GALNT18: variants seen among roughly 807,000 people sequenced by gnomAD.
GALNT18 encodes polypeptide N-acetylgalactosaminyltransferase 18, also known as GalNAc-transferase 18.
A neutral mutation model predicts 69.5 loss-of-function variants in GALNT18; 44 were observed. The ratio of observed to expected loss-of-function variants is 0.63; its 90% CI spans 0.50 to 0.81. GALNT18 has a LOEUF of 0.81. Among genes scored for constraint, GALNT18 ranks in the 40% least tolerant of loss-of-function variants. GALNT18 has a pLI of 0.00. For missense variants in GALNT18, 715 were observed against 810.0 expected (o/e 0.88, Z 1.42); for synonymous variants, 364 against 318.2 (o/e 1.14, Z -1.53).
intron 1 of GALNT18, among the ~76,000 whole-genome samples, chr11:11,491,849 G>C (rs1402650182): frequency 6.6e-6 from 1 of 152,094 alleles, no homozygotes; most frequent in Non-Finnish European, 1.5e-5. Context: ...CCCTCCAGAA[G>C]CAAGACAATC....
intron 1 of GALNT18, among the ~76,000 whole-genome samples, chr11:11,536,725 G>A (rs1228280129): frequency 3.3e-5 from 5 of 152,086 alleles, no homozygotes. Flanking sequence ...CTAAAGAGAA[G>A]GACTTACAGA....
Position 11,465,301 on chromosome 11 carries a change from G to A in GALNT18, c.236-16365C>T, listed in dbSNP as rs191218764. On this transcript the variant is annotated intron_variant, in intron 1 of 10. Coordinates refer to ENST00000227756, the MANE Select transcript of GALNT18 (RefSeq NM_198516.3). The surrounding 1 kb of genome is among the most constrained non-coding windows in gnomAD (Gnocchi z 5.7). ...ATTTAGACTGATTTCCCCTGAGACT[G>A]GGGAGTTGGGTGGGCAGGGTCATCC... Among the ~76,000 whole-genome samples, 3 of 152,234 alleles carry A rather than the reference G, an allele frequency of 2.0e-5. No homozygotes were observed. In the East Asian group the frequency reaches 5.8e-4, roughly 29 times the overall value.
intron 1 of GALNT18, among the ~76,000 whole-genome samples, chr11:11,460,157 C>T (rs749660922): frequency 3.3e-5 from 5 of 152,196 alleles, no homozygotes; most frequent in Non-Finnish European, 5.9e-5. Context: ...GAATTCACAA[C>T]CTTAATTCCC....
At chr11:11,531,766 G>A (rs746471587) in intron 1 of GALNT18, among the ~76,000 whole-genome samples, 1 of 152,206 alleles carries the variant, frequency 6.6e-6, no homozygotes, top group Non-Finnish European at 1.5e-5. Context: ...CTCCTGCTGT[G>A]AGTCTCTGGG....
At chr11:11,524,882 C>G (rs1046647200) in intron 1 of GALNT18, among the ~76,000 whole-genome samples, 22 of 152,070 alleles carry the variant, frequency 1.4e-4, no homozygotes, top group Non-Finnish European at 3.2e-4. Flanking sequence ...TCATAGCTGG[C>G]AGAGAGTGGA....
chr11:11,321,355 C>T (rs1193593771), intron 9 of GALNT18, among the ~76,000 whole-genome samples: 1 of 152,174 alleles, frequency 6.6e-6, no homozygotes, highest in Non-Finnish European at 1.5e-5. Flanking sequence ...TTAATGGTGA[C>T]TGTACAGTGT....
At chr11:11,292,781 A>G (rs2133004640) in intron 10 of GALNT18, among the ~76,000 whole-genome samples, 1 of 152,320 alleles carries the variant, frequency 6.6e-6, no homozygotes, top group East Asian at 1.9e-4. Flanking sequence ...ATAAAACAAC[A>G]ACAATAATAA....
chr11:11,304,476 T>G (rs1445003331), intron 9 of GALNT18, among the ~76,000 whole-genome samples: 1 of 152,208 alleles, frequency 6.6e-6, no homozygotes, highest in African/African-American at 2.4e-5. Flanking sequence ...TGTGTCTGCT[T>G]GTCTGCTATA....
rs1399115140 is a variant in GALNT18, at chr11:11,542,226, T to G, written c.235+79133A>C. ...CTTAGAAAGCAAAGCAAAACAAAAC[T>G]GTGGGAACAGCCTGTCATCTCACTC... On this transcript the variant is annotated intron_variant, in intron 1 of 10. Coordinates refer to ENST00000227756, the MANE Select transcript of GALNT18 (RefSeq NM_198516.3). This position sits in a 1 kb window ranked among gnomAD's most constrained non-coding sequence, Gnocchi z 4.3. 6.6e-6 allele frequency among the ~76,000 whole-genome samples: 1 copy of G among 152,096 alleles called. No homozygotes were observed. The highest frequency in any genetic ancestry group is 2.4e-5 in the African/African-American group (1 of 41,424).
chr11:11,609,127 G>T (rs1366044393), intron 1 of GALNT18, among the ~76,000 whole-genome samples: 1 of 152,192 alleles, frequency 6.6e-6, no homozygotes, highest in African/African-American at 2.4e-5. Flanking sequence ...CCCAAGAGAA[G>T]TACCCAGGAA....
At chr11:11,533,355 T>C (rs529512487) in intron 1 of GALNT18, among the ~76,000 whole-genome samples, 1 of 152,292 alleles carries the variant, frequency 6.6e-6, no homozygotes, top group South Asian at 2.1e-4. Flanking sequence ...GAAGCCAGGA[T>C]CCAAACCCAG....
chr11:11,586,729 T>C lies in GALNT18; in HGVS notation c.235+34630A>G, dbSNP rs142333225. On this transcript the variant is annotated intron_variant, in intron 1 of 10. Coordinates refer to ENST00000227756, the MANE Select transcript of GALNT18 (RefSeq NM_198516.3). The surrounding 1 kb of genome is among the most constrained non-coding windows in gnomAD (Gnocchi z 4.1). ...TAGCTCATGCCTGTAATCACAGCCCTTTGGGACGCCGAGGCGGGCAGATCA... is the reference window on the plus strand; with the variant it reads ...TAGCTCATGCCTGTAATCACAGCCCCTTGGGACGCCGAGGCGGGCAGATCA... 7.1e-3 allele frequency among the ~76,000 whole-genome samples: 1,078 copies of C among 152,292 alleles called. 17 individuals are homozygous for C. The highest frequency in any genetic ancestry group is 0.025 in the African/African-American group (1,023 of 41,558).
intron 1 of GALNT18, among the ~76,000 whole-genome samples, chr11:11,557,518 C>T (rs1858359718): frequency 6.6e-6 from 1 of 152,188 alleles, no homozygotes; most frequent in South Asian, 2.1e-4. Context: ...CTGGACCCAA[C>T]ACTGTGCCTC....
chr11:11,299,509 A>G (rs1335925261), intron 9 of GALNT18, among the ~76,000 whole-genome samples: 5 of 152,126 alleles, frequency 3.3e-5, no homozygotes, highest in Non-Finnish European at 7.4e-5. Flanking sequence ...AGAGTCCATT[A>G]TATAATTTTT....
At chr11:11,486,101 G>A (rs1361486660) in intron 1 of GALNT18, among the ~76,000 whole-genome samples, 1 of 152,212 alleles carries the variant, frequency 6.6e-6, no homozygotes, top group Admixed American at 6.5e-5. Context: ...GAAGGACTCA[G>A]CATGCTGGAA....
chr11:11,370,264 T>C (rs1850868511), intron 6 of GALNT18, among the ~76,000 whole-genome samples: 2 of 152,220 alleles, frequency 1.3e-5, no homozygotes, highest in Non-Finnish European at 2.9e-5. Context: ...TGAAAAGTGA[T>C]CTTTCATGTT....
chr11:11,431,734 C>T (rs1855268893), intron 3 of GALNT18, among the ~76,000 whole-genome samples: 1 of 152,186 alleles, frequency 6.6e-6, no homozygotes, highest in Non-Finnish European at 1.5e-5. Context: ...GCAACTGATT[C>T]ACTAGGAAAT....
At chr11:11,420,230 T>C (rs1854971548) in intron 3 of GALNT18, among the ~76,000 whole-genome samples, 2 of 152,062 alleles carry the variant, frequency 1.3e-5, no homozygotes, top group South Asian at 4.2e-4. Context: ...GGGGAGCCCA[T>C]ACCTGCTGTG....
At position 11,523,005 on chromosome 11, in the gene GALNT18, C is replaced by A. The variant is rs1857434165; in HGVS notation, c.236-74069G>T. On this transcript the variant is annotated intron_variant, in intron 1 of 10. Coordinates refer to ENST00000227756, the MANE Select transcript of GALNT18 (RefSeq NM_198516.3). The surrounding 1 kb of genome is among the most constrained non-coding windows in gnomAD (Gnocchi z 4.3). ...AGTAAGAGACTGAGCGCAGTGCAGT[C>A]CACTAACAATTCAGGCAGAGGCTCT... Among the ~76,000 whole-genome samples the A allele has an allele frequency of 6.6e-6, 1 of 152,206 alleles. No homozygotes were observed. Among genetic ancestry groups the A allele is most frequent in the Non-Finnish European group, 1.5e-5 (1 of 68,038 alleles).
Sources: allele counts gnomAD v4.1 joint callset (sites outside exome capture counted in the v4.1 genomes callset), GRCh38; gene constraint gnomAD v4.1.1; non-coding constraint Gnocchi (gnomAD v3.1); transcripts MANE v1.5; gene names NCBI Gene and HGNC (gene_info 2026-07-23, HGNC 2026-07-21).